Variants in MTUS2 observed in about 807,000 individuals in gnomAD.
MTUS2 encodes microtubule-associated tumor suppressor candidate 2.
A neutral mutation model predicts 114.1 loss-of-function variants in MTUS2; 40 were observed. That is an observed-to-expected ratio of 0.35 (90% CI 0.27 to 0.46). The LOEUF (loss-of-function observed/expected upper bound fraction) is 0.46, where lower values mean the gene tolerates loss of function less well. Ranked by LOEUF, MTUS2 falls within the 20% of genes least tolerant of loss-of-function variation. MTUS2 has a pLI of 1.00. For synonymous variants in MTUS2, 688 were observed against 672.0 expected (o/e 1.02, Z -0.37); for missense variants, 1,679 against 1,705.4 (o/e 0.98, Z 0.27).
chr13:29,356,346 T>C (rs908631291), intron 7 of MTUS2, among the ~76,000 whole-genome samples: 3 of 152,174 alleles, frequency 2.0e-5, no homozygotes, highest in African/African-American at 7.2e-5. Flanking sequence ...CATCTAATTA[T>C]CCGATACAAA....
intron 9 of MTUS2, among the ~76,000 whole-genome samples, chr13:29,452,233 C>A (rs1008132025): frequency 6.6e-6 from 1 of 152,134 alleles, no homozygotes; most frequent in African/African-American, 2.4e-5. Flanking sequence ...AAAACTGCTA[C>A]ACTTTGAGAA....
chr13:28,834,319 A>G (rs1465416226), intron 1 of MTUS2, among the ~76,000 whole-genome samples: 3 of 152,182 alleles, frequency 2.0e-5, no homozygotes, highest in Non-Finnish European at 4.4e-5. Flanking sequence ...GTGCAGGCAA[A>G]TTATATCCTT....
chr13:28,919,515 T>C (rs1880929674), intron 2 of MTUS2, among the ~76,000 whole-genome samples: 1 of 152,160 alleles, frequency 6.6e-6, no homozygotes, highest in Non-Finnish European at 1.5e-5. Context: ...TTTTTTACCT[T>C]TGGGAATTTG....
chr13:29,248,449 T>TA (rs1328228878), intron 5 of MTUS2, among the ~76,000 whole-genome samples: 1 of 152,190 alleles, frequency 6.6e-6, no homozygotes, highest in Non-Finnish European at 1.5e-5. Context: ...ATTTTCTTTT[T>TA]AAAAAAATTT....
At chr13:28,955,564 G>C (rs760173074) in intron 2 of MTUS2, among the ~76,000 whole-genome samples, 14 of 152,200 alleles carry the variant, frequency 9.2e-5, no homozygotes, top group Admixed American at 2.6e-4. Flanking sequence ...CTAGGTGTCT[G>C]TGTCTGGGAA....
chr13:29,168,954 C>A (rs569347998), intron 5 of MTUS2, among the ~76,000 whole-genome samples: 1 of 138,818 alleles, frequency 7.2e-6, no homozygotes, highest in Non-Finnish European at 1.6e-5. Flanking sequence ...ATTTCTAGGT[C>A]ATGTACAGGT....
At chr13:29,483,106 G>A (rs1173096480) in intron 10 of MTUS2, among the ~76,000 whole-genome samples, 4 of 152,146 alleles carry the variant, frequency 2.6e-5, no homozygotes, top group South Asian at 2.1e-4. Context: ...TCTCAGGGAC[G>A]GTTGCATTGG....
At chr13:28,935,014 T>G (rs1361514290) in intron 2 of MTUS2, among the ~76,000 whole-genome samples, 1 of 144,232 alleles carries the variant, frequency 6.9e-6, no homozygotes, top group African/African-American at 2.7e-5. Context: ...GCGTTTTTTT[T>G]TTTTTTTTTT....
In MTUS2 at chr13:29,254,204, A is replaced by T. The variant is rs1897221203; in HGVS notation, c.2645-27500A>T. Among the ~76,000 whole-genome samples the T allele has an allele frequency of 2.0e-5, 3 of 152,182 alleles. No individual in the cohort carries two copies. The South Asian group carries it at 6.2e-4, about 31-fold the overall frequency. ...TAATTTTAAGTGTTCTTCTGTGTGT[A>T]ATATCTTCCTTCTTAGATGCTTAGC... On this transcript the variant is annotated intron_variant, in intron 5 of 15. Transcript: ENST00000612955.
intron 5 of MTUS2, among the ~76,000 whole-genome samples, chr13:29,204,129 T>C (rs1450834425): frequency 6.6e-6 from 1 of 151,990 alleles, no homozygotes; most frequent in Non-Finnish European, 1.5e-5. Flanking sequence ...CTGGCTACTT[T>C]TTGTATTTTT....
At chr13:28,875,004 T>C (rs1328006746) in intron 2 of MTUS2, among the ~76,000 whole-genome samples, 1 of 152,228 alleles carries the variant, frequency 6.6e-6, no homozygotes, top group Admixed American at 6.5e-5. Context: ...AGGTATTTTG[T>C]TGTCTCCCCT....
chr13:29,425,284 G>C (rs57445885), intron 8 of MTUS2, among the ~76,000 whole-genome samples: 1 of 151,946 alleles, frequency 6.6e-6, no homozygotes. Context: ...GTGATGGCAC[G>C]CACCTGTAAT....
At chr13:29,404,757 G>A (rs1347176245) in intron 8 of MTUS2, among the ~76,000 whole-genome samples, 1 of 152,204 alleles carries the variant, frequency 6.6e-6, no homozygotes, top group Non-Finnish European at 1.5e-5. Context: ...CCTTACCCTA[G>A]AGAGCTTGGC....
At chr13:28,903,039 A>C (rs2137967752) in intron 2 of MTUS2, among the ~76,000 whole-genome samples, 1 of 152,156 alleles carries the variant, frequency 6.6e-6, no homozygotes, top group African/African-American at 2.4e-5. Context: ...ATATGGATTG[A>C]GTTGTGGTAA....
At chr13:28,961,525 T>C (rs1883328067) in intron 2 of MTUS2, among the ~76,000 whole-genome samples, 1 of 152,124 alleles carries the variant, frequency 6.6e-6, no homozygotes, top group South Asian at 2.1e-4. Context: ...AACTCTTCCT[T>C]CCCACCATTT....
intron 4 of MTUS2, among the ~76,000 whole-genome samples, chr13:29,077,668 T>G (rs1288750107): frequency 1.3e-5 from 2 of 152,332 alleles, no homozygotes; most frequent in East Asian, 1.9e-4. Flanking sequence ...GACTACTCCT[T>G]CTTTGTTTCT....
chr13:28,886,607 G>T (rs1023985129), intron 2 of MTUS2, among the ~76,000 whole-genome samples: 2 of 152,018 alleles, frequency 1.3e-5, no homozygotes, highest in African/African-American at 4.8e-5. Flanking sequence ...GCTCAGTTAC[G>T]GATTAAGTAT....
intron 2 of MTUS2, among the ~76,000 whole-genome samples, chr13:28,994,090 C>T (rs1469404038): frequency 6.6e-6 from 1 of 152,018 alleles, no homozygotes; most frequent in Non-Finnish European, 1.5e-5. Context: ...TGTGATGTTC[C>T]CCTTCCTGTG....
chr13:29,139,032 C>T, intron 5 of MTUS2, among the ~76,000 whole-genome samples: 1 of 151,280 alleles, frequency 6.6e-6, no homozygotes, highest in African/African-American at 2.4e-5. Flanking sequence ...GTTCAGTTTC[C>T]TCCTGTCTTT....
Sources: gnomAD v4.1 joint callset for allele counts (sites outside exome capture counted in the v4.1 genomes callset) on GRCh38, gnomAD v4.1.1 for gene constraint, MANE v1.5 for transcripts, NCBI Gene and HGNC (gene_info 2026-07-23, HGNC 2026-07-21) for gene names.